KSR2: variants seen among roughly 807,000 people sequenced by gnomAD.
KSR2 encodes kinase suppressor of ras 2.
A neutral mutation model predicts 107.8 loss-of-function variants in KSR2; 25 were observed. The observed-to-expected ratio is 0.23, with a 90% CI of 0.17 to 0.32. KSR2 has a LOEUF of 0.32. Ranked by LOEUF, KSR2 falls within the 10% of genes least tolerant of loss-of-function variation. The pLI is 1.00. For synonymous variants in KSR2, 480 were observed against 507.0 expected (o/e 0.95, Z 0.71); for missense variants, 887 against 1,268.9 (o/e 0.70, Z 4.57).
intron 1 of KSR2, among the ~76,000 whole-genome samples, chr12:117,883,453 C>T (rs564179953): frequency 6.6e-6 from 1 of 152,260 alleles, no homozygotes; most frequent in South Asian, 2.1e-4. Flanking sequence ...ACAAGATAGG[C>T]TTGGTCCCTG....
At chr12:117,613,061 G>C (rs1433698570) in intron 5 of KSR2, among the ~76,000 whole-genome samples, 1 of 152,176 alleles carries the variant, frequency 6.6e-6, no homozygotes, top group Non-Finnish European at 1.5e-5. Flanking sequence ...TTATATCAGT[G>C]TGGGAACAGA....
chr12:117,610,180 G>A (rs190004981), intron 5 of KSR2, among the ~76,000 whole-genome samples: 11 of 152,256 alleles, frequency 7.2e-5, no homozygotes, highest in Admixed American at 2.0e-4. Context: ...ATAAATCAAT[G>A]AAATTTTTAT....
intron 4 of KSR2, among the ~76,000 whole-genome samples, chr12:117,677,428 C>T (rs1885180253): frequency 6.6e-6 from 1 of 152,130 alleles, no homozygotes; most frequent in Non-Finnish European, 1.5e-5. Context: ...AGCAAGAGGA[C>T]GGCCATCTGC....
chr12:117,958,334 C>T (rs1242998812), intron 1 of KSR2, among the ~76,000 whole-genome samples: 3 of 152,106 alleles, frequency 2.0e-5, no homozygotes, highest in Admixed American at 6.5e-5. Flanking sequence ...GAAATGAACC[C>T]TTTCCAACAC....
chr12:117,761,658 C>G, intron 3 of KSR2, 134 bp from the exon 4 acceptor site: 1 of 816,120 alleles, frequency 1.2e-6, no homozygotes, highest in Non-Finnish European at 2.0e-6. Flanking sequence ...ACACTATATA[C>G]CTGTTACATC....
intron 7 of KSR2, among the ~76,000 whole-genome samples, chr12:117,568,214 A>T (rs1178113007): frequency 6.6e-6 from 1 of 152,162 alleles, no homozygotes; most frequent in Non-Finnish European, 1.5e-5. Flanking sequence ...CCTGAAAAAG[A>T]AGAAAGCGAC....
At chr12:117,486,883 G>A (rs924177181) in intron 14 of KSR2, among the ~76,000 whole-genome samples, 18 of 152,206 alleles carry the variant, frequency 1.2e-4, no homozygotes, top group African/African-American at 4.1e-4. Flanking sequence ...TTGGAAACAG[G>A]CCTTGGCATC....
intron 3 of KSR2, among the ~76,000 whole-genome samples, chr12:117,850,897 A>T (rs935082252): frequency 2.6e-5 from 4 of 152,192 alleles, no homozygotes; most frequent in Admixed American, 6.5e-5. Context: ...AGAAACAAGT[A>T]TGATCCCTGC....
In KSR2 at chr12:117,817,586, A is replaced by C. The variant is rs555439907; in HGVS notation, c.472+37842T>G. 8.5e-5 allele frequency among the ~76,000 whole-genome samples: 13 copies of C among 152,242 alleles called. No homozygotes were observed. The South Asian group carries it at 2.7e-3, about 32-fold the overall frequency. On this transcript the variant is annotated intron_variant, in intron 3 of 19. Transcript: ENST00000339824. Reference sequence around the variant, plus strand: ...TGCTCCAGGATCTGACCTCATGATAATATTACCTGATAATACTATTTATAT... The same window carrying C: ...TGCTCCAGGATCTGACCTCATGATACTATTACCTGATAATACTATTTATAT...
chr12:117,898,439 C>T (rs1442588484), intron 1 of KSR2, among the ~76,000 whole-genome samples: 1 of 151,734 alleles, frequency 6.6e-6, no homozygotes, highest in Non-Finnish European at 1.5e-5. Context: ...CCTGCCTCAG[C>T]CTCCCGAGTA....
chr12:117,923,608 C>T (rs1042410975), intron 1 of KSR2, among the ~76,000 whole-genome samples: 1 of 151,916 alleles, frequency 6.6e-6, no homozygotes, highest in Non-Finnish European at 1.5e-5. Flanking sequence ...AAGGATACAG[C>T]GAGCTATGAT....
chr12:117,539,655 C>A (rs1476401886), intron 10 of KSR2, 64 bp downstream of exon 10: 5 of 1,448,640 alleles, frequency 3.5e-6, no homozygotes, highest in Non-Finnish European at 4.6e-6. Flanking sequence ...CATGAACCCA[C>A]CCCCTCCCTA....
intron 1 of KSR2, among the ~76,000 whole-genome samples, chr12:117,967,551 G>A (rs1896836037): frequency 6.6e-6 from 1 of 152,048 alleles, no homozygotes; most frequent in Admixed American, 6.6e-5. Flanking sequence ...AATCTAAGGA[G>A]CAAAAGGAGG....
intron 4 of KSR2, among the ~76,000 whole-genome samples, chr12:117,701,969 T>C (rs528752358): frequency 2.3e-4 from 35 of 152,344 alleles, no homozygotes; most frequent in Non-Finnish European, 4.4e-4. Flanking sequence ...TAATTTGTTA[T>C]AGGAGCCACA....
At chr12:117,546,647 A>G (rs2137305660) in intron 9 of KSR2, among the ~76,000 whole-genome samples, 1 of 152,138 alleles carries the variant, frequency 6.6e-6, no homozygotes, top group East Asian at 1.9e-4. Context: ...GGTCCTTGAT[A>G]CTCTGCTCAG....
At chr12:117,538,503 G>A (rs1233687530) in intron 10 of KSR2, among the ~76,000 whole-genome samples, 1 of 152,104 alleles carries the variant, frequency 6.6e-6, no homozygotes, top group Non-Finnish European at 1.5e-5. Context: ...ACTCATGCCT[G>A]GTTAAGCTTA....
intron 4 of KSR2, among the ~76,000 whole-genome samples, chr12:117,680,408 C>T (rs79375579): frequency 0.012 from 1,879 of 152,298 alleles, 46 homozygotes; most frequent in African/African-American, 0.042. Flanking sequence ...GCTACTGCAC[C>T]GGACAAAGCA....
chr12:117,536,112 T>C (rs1223718298), intron 10 of KSR2, among the ~76,000 whole-genome samples: 2 of 152,152 alleles, frequency 1.3e-5, no homozygotes, highest in Admixed American at 6.5e-5. Context: ...GATTAACAAA[T>C]GAGTTAAATG....
At chr12:117,600,355 T>C (rs1342084892) in intron 5 of KSR2, among the ~76,000 whole-genome samples, 1 of 152,126 alleles carries the variant, frequency 6.6e-6, no homozygotes, top group Non-Finnish European at 1.5e-5. Flanking sequence ...CCAGGCCTGA[T>C]GGATGGGTGC....
Sources: allele counts gnomAD v4.1 joint callset (sites outside exome capture counted in the v4.1 genomes callset), GRCh38; gene constraint gnomAD v4.1.1; transcripts MANE v1.5; gene names NCBI Gene and HGNC (gene_info 2026-07-23, HGNC 2026-07-21).